PCID2: variants seen among roughly 807,000 people sequenced by gnomAD.
The protein encoded by PCID2 is PCI domain-containing protein 2.
In PCID2, 41 loss-of-function variants were observed where a neutral mutation model predicts 61.3. The ratio of observed to expected loss-of-function variants is 0.67; its 90% CI spans 0.52 to 0.87. The LOEUF (loss-of-function observed/expected upper bound fraction) is 0.87, where lower values mean the gene tolerates loss of function less well. Ranked by LOEUF, PCID2 falls within the 40% of genes least tolerant of loss-of-function variation. The pLI is 0.00. For synonymous variants in PCID2, 187 were observed against 177.8 expected (o/e 1.05, Z -0.41); for missense variants, 392 against 493.4 (o/e 0.79, Z 1.95).
At chr13:113,182,704 G>C (rs1304088834) in intron 9 of PCID2, among the ~76,000 whole-genome samples, 3 of 151,974 alleles carry the variant, frequency 2.0e-5, no homozygotes, top group Non-Finnish European at 2.9e-5. Context: ...GTTTCACCGT[G>C]GTCTCGATCT....
the PCID2 span, chr13:113,165,250 G>T: frequency 1.2e-6 from 1 of 868,612 alleles, no homozygotes; most frequent in South Asian, 1.4e-5. Flanking sequence ...TGACTGCACT[G>T]ACCAACCTCT....
At chr13:113,178,932 G>A (rs1428226520) in intron 13 of PCID2, 34 bp downstream of exon 13, 14 of 1,597,078 alleles carry the variant, frequency 8.8e-6, no homozygotes, top group Non-Finnish European at 1.1e-5. Flanking sequence ...CTTGCTGTGA[G>A]TAGCTGCTTA....
At chr13:113,195,929 G>A (rs539345626) in intron 5 of PCID2, among the ~76,000 whole-genome samples, 1 of 152,172 alleles carries the variant, frequency 6.6e-6, no homozygotes, top group African/African-American at 2.4e-5. Context: ...AATATCTAGG[G>A]AAATGGACAT....
downstream of PCID2, among the ~76,000 whole-genome samples, chr13:113,173,971 G>A (rs1008172029): frequency 5.3e-5 from 8 of 152,028 alleles, no homozygotes; most frequent in African/African-American, 1.2e-4. Context: ...GCTCACGCCC[G>A]TAATCCCAGC....
At chr13:113,208,096 G>C in intron 1 of PCID2, 2 of 1,612,444 alleles carry the variant, frequency 1.2e-6, no homozygotes, top group Non-Finnish European at 1.7e-6. Context: ...GGAGAGTGAA[G>C]GGCGTTAAAC....
the PCID2 span, among the ~76,000 whole-genome samples, chr13:113,167,359 C>T: frequency 2.6e-5 from 4 of 152,194 alleles, no homozygotes; most frequent in East Asian, 1.9e-4. Flanking sequence ...GTTCCAGGAA[C>T]GACGCCACGG....
chr13:113,185,389 C>T (rs1158903309), intron 8 of PCID2, 96 bp downstream of exon 8: 1 of 852,878 alleles, frequency 1.2e-6, no homozygotes, highest in East Asian at 2.4e-5. Context: ...ATTTCACAAG[C>T]AACGCCAGGG....
chr13:113,178,763 A>C (rs1595142230), intron 13 of PCID2, among the ~76,000 whole-genome samples: 1 of 152,330 alleles, frequency 6.6e-6, no homozygotes, highest in East Asian at 1.9e-4. Context: ...ACCGCCAGTA[A>C]AGAATATGCA....
chr13:113,166,990 G>A, the PCID2 span, among the ~76,000 whole-genome samples: 1 of 152,144 alleles, frequency 6.6e-6, no homozygotes, highest in African/African-American at 2.4e-5. Context: ...ACTGACTTAG[G>A]CAGGCTACAT....
intron 6 of PCID2, among the ~76,000 whole-genome samples, chr13:113,192,539 C>T (rs1190229454): frequency 1.3e-5 from 2 of 152,224 alleles, no homozygotes; most frequent in African/African-American, 4.8e-5. Flanking sequence ...AAATCTGTCA[C>T]TTCCAGGCAA....
chr13:113,183,418 T>C (rs557363532), intron 9 of PCID2, among the ~76,000 whole-genome samples: 1 of 152,166 alleles, frequency 6.6e-6, no homozygotes, highest in Non-Finnish European at 1.5e-5. Context: ...TCTACCTTTA[T>C]GCTTCATATT....
rs1271235286 is a variant in PCID2 at position 113,181,261 on chromosome 13, G to A, written c.686-31C>T. 2.1e-6 allele frequency: 3 copies of A among 1,400,484 alleles called. No homozygotes were observed. The Admixed American group carries it at 5.0e-5, about 23-fold the overall frequency. The allele number at this position is 1,400,484 out of a possible 1,614,324, so 86.8% of individuals were successfully genotyped here. A position where few individuals can be genotyped will look rare whatever the true frequency, so the allele number is the denominator to read the frequency against. ...AAGAAGGCAGAGCCAGCACGCATGA[G>A]ACCAACGCACCTGCTTCAGGCCCCT... On this transcript the variant is annotated intron_variant, in intron 9 of 13. Coordinates refer to ENST00000337344, the MANE Select transcript of PCID2 (RefSeq NM_001127202.4).
At chr13:113,193,585 T>G (rs544108916) in intron 6 of PCID2, among the ~76,000 whole-genome samples, 1 of 152,228 alleles carries the variant, frequency 6.6e-6, no homozygotes, top group African/African-American at 2.4e-5. Flanking sequence ...AAGTCAGTTA[T>G]GTTACATGTA....
chr13:113,171,482 T>C, the PCID2 span: 1 of 1,372,252 alleles, frequency 7.3e-7, no homozygotes, highest in Non-Finnish European at 1.0e-6. This position sits in a 1 kb window ranked among gnomAD's most constrained non-coding sequence, Gnocchi z 5.1. Flanking sequence ...AGCCTGCGGG[T>C]CCTCCAGGGC....
downstream of PCID2, among the ~76,000 whole-genome samples, chr13:113,174,636 C>T (rs568833653): frequency 3.3e-4 from 50 of 152,240 alleles, no homozygotes; most frequent in African/African-American, 1.2e-3. Context: ...AGGTGTGGAC[C>T]ACCATGCCCA....
intron 1 of PCID2, among the ~76,000 whole-genome samples, chr13:113,206,715 T>G (rs1388679250): frequency 1.3e-5 from 2 of 152,220 alleles, no homozygotes; most frequent in Admixed American, 6.5e-5. Flanking sequence ...TTAGGTAACA[T>G]GCCAGTTCAA....
At chr13:113,165,121 G>T in the PCID2 span, 1 of 1,610,790 alleles carries the variant, frequency 6.2e-7, no homozygotes, top group Non-Finnish European at 8.5e-7. Flanking sequence ...CCCGTGGCAG[G>T]TAACAGAGCG....
Position 113,179,816 on chromosome 13 carries a change from C to G in PCID2, c.986+101G>C. ...CAATGGAAGGAAGATAACGACCCCA[C>G]CCACACGGTGGCCTTCTCTCTTAGA... On this transcript the variant is annotated intron_variant, in intron 12 of 13. Coordinates refer to ENST00000337344, the MANE Select transcript of PCID2 (RefSeq NM_001127202.4). The surrounding 1 kb of genome is among the most constrained non-coding windows in gnomAD (Gnocchi z 4.3). The G allele has an allele frequency of 8.4e-7, 1 of 1,196,488 alleles. No homozygotes were observed. Among genetic ancestry groups the G allele is most frequent in the South Asian group, 1.5e-5 (1 of 67,634 alleles). The allele number at this position is 1,196,488 out of a possible 1,614,324, so 74.1% of individuals were successfully genotyped here.
At chr13:113,207,315 T>C (rs1218201644) in intron 1 of PCID2, among the ~76,000 whole-genome samples, 1 of 152,254 alleles carries the variant, frequency 6.6e-6, no homozygotes. Context: ...AAGGCTCACT[T>C]GAGTTTGTTA....
Sources: allele counts gnomAD v4.1 joint callset (sites outside exome capture counted in the v4.1 genomes callset), GRCh38; gene constraint gnomAD v4.1.1; non-coding constraint Gnocchi (gnomAD v3.1); transcripts MANE v1.5; gene names NCBI Gene and HGNC (gene_info 2026-07-23, HGNC 2026-07-21).